Variants in IL1RAPL1 observed in about 807,000 individuals in gnomAD.
IL1RAPL1 encodes interleukin 1 receptor accessory protein like 1, also known as interleukin-1 receptor accessory protein-like 1.
IL1RAPL1 carries 3 observed loss-of-function variants against 48.4 expected under a neutral mutation model. The observed-to-expected ratio is 0.06, with a 90% CI of 0.03 to 0.16. The LOEUF (loss-of-function observed/expected upper bound fraction) is 0.16, where lower values mean the gene tolerates loss of function less well. Among genes scored for constraint, IL1RAPL1 ranks in the 10% least tolerant of loss-of-function variants. The probability of loss-of-function intolerance (pLI) is 1.00; values close to 1 mark genes in which losing one functional copy is unlikely to be tolerated. For synonymous variants in IL1RAPL1, 185 were observed against 187.7 expected, an observed-to-expected ratio of 0.99 and a Z score of 0.12; for missense variants, 349 against 530.6, an observed-to-expected ratio of 0.66 and a Z score of 3.36.
intron 2 of IL1RAPL1, among the ~76,000 whole-genome samples, chrX:28,996,096 C>G (rs183268027): frequency 2.7e-5 from 3 of 111,474 alleles, no homozygotes; most frequent in African/African-American, 6.5e-5. Context: ...AGCAGACAGT[C>G]TTCATTTTCC....
At chrX:28,715,586 A>T (rs1935495079) in intron 1 of IL1RAPL1, among the ~76,000 whole-genome samples, 1 of 111,889 alleles carries the variant, frequency 8.9e-6, no homozygotes, top group African/African-American at 3.2e-5. Flanking sequence ...TCTAGAAGAA[A>T]GGGATAAATT....
intron 6 of IL1RAPL1, among the ~76,000 whole-genome samples, chrX:29,914,098 G>T (rs1005746943): frequency 5.4e-5 from 6 of 110,942 alleles, no homozygotes; most frequent in Non-Finnish European, 9.4e-5. Flanking sequence ...TCTCCTAGGT[G>T]TCCCCATAGC....
At chrX:29,618,766 A>G (rs1924371749) in intron 5 of IL1RAPL1, among the ~76,000 whole-genome samples, 1 of 111,858 alleles carries the variant, frequency 8.9e-6, no homozygotes, top group East Asian at 2.8e-4. Context: ...AGGCAACACA[A>G]ATTCCAGGGA....
intron 6 of IL1RAPL1, among the ~76,000 whole-genome samples, chrX:29,797,838 A>C (rs771090687): frequency 9.0e-6 from 1 of 111,499 alleles, no homozygotes; most frequent in Admixed American, 9.5e-5. Context: ...GTGCCACTGC[A>C]CTCCAGCCTG....
At chrX:29,222,758 G>A (rs182289740) in intron 2 of IL1RAPL1, among the ~76,000 whole-genome samples, 2 of 111,181 alleles carry the variant, frequency 1.8e-5, no homozygotes, top group East Asian at 5.7e-4. Context: ...TGAATGAGAG[G>A]AGGCCCCGGT....
intron 6 of IL1RAPL1, among the ~76,000 whole-genome samples, chrX:29,838,737 C>A (rs1209107497): frequency 1.8e-5 from 2 of 111,973 alleles, no homozygotes; most frequent in African/African-American, 6.5e-5. Context: ...TACCAGATAA[C>A]AAAGAACCTT....
chrX:28,912,298 T>TA (rs1923380410), intron 2 of IL1RAPL1, among the ~76,000 whole-genome samples: 1 of 110,429 alleles, frequency 9.1e-6, no homozygotes, highest in Non-Finnish European at 1.9e-5. Context: ...ACATTCTTTC[T>TA]AATTTGTGCA....
intron 2 of IL1RAPL1, among the ~76,000 whole-genome samples, chrX:29,158,886 CTTTCTTTTCTTT>C (rs1359526537): frequency 4.2e-5 from 4 of 94,572 alleles, no homozygotes; most frequent in Non-Finnish European, 8.1e-5. Context: ...TAAACAACCT[CTTTCTTTTCTTT>C]TTTCTTTTCT....
At chrX:29,338,171 C>T (rs1933023525) in intron 3 of IL1RAPL1, among the ~76,000 whole-genome samples, 1 of 110,707 alleles carries the variant, frequency 9.0e-6, no homozygotes, top group Non-Finnish European at 1.9e-5. Flanking sequence ...AGTGAATTGT[C>T]GGCTGAGTTA....
chrX:29,482,590 C>T (rs1380501663), intron 5 of IL1RAPL1, among the ~76,000 whole-genome samples: 3 of 112,421 alleles, frequency 2.7e-5, no homozygotes, highest in Non-Finnish European at 3.8e-5. Flanking sequence ...GTGGAATAAA[C>T]ATTCCTCATC....
chrX:29,897,955 A>C (rs952723350), intron 6 of IL1RAPL1, among the ~76,000 whole-genome samples: 3 of 111,814 alleles, frequency 2.7e-5, no homozygotes, highest in Non-Finnish European at 5.6e-5. Flanking sequence ...TTAAGGCTAT[A>C]TGTTTACTTT....
intron 5 of IL1RAPL1, among the ~76,000 whole-genome samples, chrX:29,407,125 T>A (rs1934082811): frequency 9.0e-6 from 1 of 111,673 alleles, no homozygotes; most frequent in African/African-American, 3.3e-5. Flanking sequence ...GTGTATAAAA[T>A]GTAAACAAGT....
chrX:28,872,167 A>G (rs1210918433), intron 2 of IL1RAPL1, among the ~76,000 whole-genome samples: 1 of 90,617 alleles, frequency 1.1e-5, no homozygotes, highest in Admixed American at 1.2e-4. Flanking sequence ...AACCACCACC[A>G]TGCCTGGCTA....
chrX:28,651,807 G>A (rs377311502), intron 1 of IL1RAPL1, among the ~76,000 whole-genome samples: 1 of 111,426 alleles, frequency 9.0e-6, no homozygotes, highest in African/African-American at 3.3e-5. Context: ...AAAATTGCAT[G>A]GCTCCTCTGC....
chrX:29,237,503 G>A (rs189966495), intron 2 of IL1RAPL1, among the ~76,000 whole-genome samples: 53 of 112,454 alleles, frequency 4.7e-4, no homozygotes, highest in African/African-American at 1.6e-3. Flanking sequence ...GCAGATCCTC[G>A]CAATGTACAC....
intron 1 of IL1RAPL1, among the ~76,000 whole-genome samples, chrX:28,734,734 A>T (rs1004763083): frequency 5.4e-5 from 6 of 111,673 alleles, no homozygotes; most frequent in African/African-American, 2.0e-4. Context: ...ACTAGAAAGT[A>T]AGCTCCATAT....
chrX:29,630,540 A>C (rs1288616158), intron 5 of IL1RAPL1, among the ~76,000 whole-genome samples: 1 of 88,707 alleles, frequency 1.1e-5, no homozygotes, highest in Non-Finnish European at 2.1e-5. Context: ...GTTTCTCCAG[A>C]CTTTTTTTTT....
intron 2 of IL1RAPL1, among the ~76,000 whole-genome samples, chrX:29,180,551 A>G (rs1222849912): frequency 9.1e-6 from 1 of 109,681 alleles, no homozygotes; most frequent in Non-Finnish European, 1.9e-5. Context: ...TGATTTTTGT[A>G]TTTTTAGTAG....
intron 2 of IL1RAPL1, among the ~76,000 whole-genome samples, chrX:29,086,508 G>C (rs1927955848): frequency 8.9e-6 from 1 of 111,733 alleles, no homozygotes; most frequent in African/African-American, 3.2e-5. Flanking sequence ...TTGTCTTGCT[G>C]CCTCACTTCT....
Sources: gnomAD v4.1 joint callset for allele counts (sites outside exome capture counted in the v4.1 genomes callset) on GRCh38, gnomAD v4.1.1 for gene constraint, MANE v1.5 for transcripts, NCBI Gene and HGNC (gene_info 2026-07-23, HGNC 2026-07-21) for gene names.